Variants in EML1 observed in about 807,000 individuals in gnomAD.
The protein encoded by EML1 is EMAP like 1.
In EML1, 27 loss-of-function variants were observed where a neutral mutation model predicts 110.4. The ratio of observed to expected loss-of-function variants is 0.24; its 90% confidence interval spans 0.18 to 0.34. The LOEUF is 0.34. Ranked by LOEUF, EML1 falls within the 10% of genes least tolerant of loss-of-function variation. The pLI, the probability that EML1 is intolerant of heterozygous loss-of-function variation, is 1.00. For synonymous variants in EML1, 344 were observed against 385.8 expected (o/e 0.89, Z 1.27); for missense variants, 741 against 1,030.9 (o/e 0.72, Z 3.85).
At chr14:99,873,722 A>G (rs1424505554) in intron 3 of EML1, among the ~76,000 whole-genome samples, 3 of 152,212 alleles carry the variant, frequency 2.0e-5, no homozygotes, top group African/African-American at 7.2e-5. Context: ...AATGACTTGG[A>G]TTTTGCCGAA....
chr14:99,917,714 C>T (rs1472397481), intron 15 of EML1, 68 bp from the exon 16 acceptor site: 63 of 1,497,476 alleles, frequency 4.2e-5, no homozygotes, highest in South Asian at 8.0e-5. Flanking sequence ...CACGCACTCA[C>T]GTGTGTGTGT....
At chr14:99,805,162 G>A (rs536949391) in intron 1 of EML1, among the ~76,000 whole-genome samples, 1 of 152,206 alleles carries the variant, frequency 6.6e-6, no homozygotes. Context: ...CCCAGGCCAC[G>A]TGTCTCAGGG....
At chr14:99,865,733 G>A in intron 3 of EML1, 87 bp downstream of exon 3, 1 of 1,470,592 alleles carries the variant, frequency 6.8e-7, no homozygotes, top group African/African-American at 1.4e-5. Context: ...AAATGACATT[G>A]TACAATTTCT....
chr14:99,932,400 G>A (rs2060386940), intron 17 of EML1, among the ~76,000 whole-genome samples: 1 of 152,130 alleles, frequency 6.6e-6, no homozygotes, highest in African/African-American at 2.4e-5. Flanking sequence ...CACTTTGGGA[G>A]GCCGAGGCAA....
intron 1 of EML1, chr14:99,774,030 A>G (rs1051146148): frequency 2.7e-4 from 41 of 151,260 alleles, no homozygotes; most frequent in African/African-American, 7.6e-4. Flanking sequence ...ATCTTCCCCC[A>G]CTCCCTCCTT....
chr14:99,928,209 A>G (rs61986039), intron 17 of EML1, among the ~76,000 whole-genome samples: 575 of 1,252 alleles, frequency 0.46, 171 homozygotes, highest in Middle Eastern at 1. Flanking sequence ...GGTGGTGGTG[A>G]TGGTGATGGT....
chr14:99,779,215 T>C (rs2057513991), intron 1 of EML1, among the ~76,000 whole-genome samples: 1 of 152,192 alleles, frequency 6.6e-6, no homozygotes. Flanking sequence ...CTATATTCTG[T>C]GTAGCTTTGT....
chr14:99,878,056 T>A (rs1448205104), intron 3 of EML1, among the ~76,000 whole-genome samples: 1 of 152,042 alleles, frequency 6.6e-6, no homozygotes, highest in Non-Finnish European at 1.5e-5. Flanking sequence ...CTTTGCAATT[T>A]TTTTTTTGTT....
At chr14:99,856,563 C>T (rs1008498084) in intron 2 of EML1, among the ~76,000 whole-genome samples, 1 of 152,192 alleles carries the variant, frequency 6.6e-6, no homozygotes, top group Non-Finnish European at 1.5e-5. Context: ...TTGTCTACTG[C>T]ACCTTCTCCT....
At chr14:99,806,607 C>T (rs1317746134) in intron 1 of EML1, among the ~76,000 whole-genome samples, 1 of 152,098 alleles carries the variant, frequency 6.6e-6, no homozygotes, top group Admixed American at 6.5e-5. Flanking sequence ...TGAGCCACTG[C>T]GCCTGGCCAG....
chr14:99,828,870 G>A (rs1408909788), intron 1 of EML1, among the ~76,000 whole-genome samples: 3 of 152,164 alleles, frequency 2.0e-5, no homozygotes, highest in Admixed American at 6.5e-5. Context: ...TAGTGGAAGC[G>A]GGTCATCATA....
intron 1 of EML1, among the ~76,000 whole-genome samples, chr14:99,759,846 G>T (rs926226884): frequency 2.6e-5 from 4 of 152,162 alleles, no homozygotes; most frequent in Non-Finnish European, 5.9e-5. Flanking sequence ...TGGCATGGTG[G>T]CTCACGCCTG....
intron 1 of EML1, among the ~76,000 whole-genome samples, chr14:99,796,989 A>G (rs187857684): frequency 4.6e-5 from 7 of 152,116 alleles, no homozygotes; most frequent in Non-Finnish European, 8.8e-5. Context: ...ATGTGTTTTT[A>G]AAGTGTACCA....
At chr14:99,836,521 C>T (rs2058543509) in intron 1 of EML1, among the ~76,000 whole-genome samples, 1 of 152,238 alleles carries the variant, frequency 6.6e-6, no homozygotes, top group African/African-American at 2.4e-5. Context: ...TGACTTTTTG[C>T]ACTAGCTAGG....
At chr14:99,753,189 ACCCCCCGC>A (rs1298619759) in intron 1 of EML1, among the ~76,000 whole-genome samples, 1 of 18,754 alleles carries the variant, frequency 5.3e-5, no homozygotes, top group African/African-American at 2.0e-4. Flanking sequence ...CCCTACCCGC[ACCCCCCGC>A]CCCCCCGCCG....
chr14:99,830,227 C>T (rs1035634965), intron 1 of EML1, among the ~76,000 whole-genome samples: 4 of 152,050 alleles, frequency 2.6e-5, no homozygotes, highest in African/African-American at 4.8e-5. Flanking sequence ...CTTTAATTTG[C>T]GTTTCTGTAA....
intron 1 of EML1, chr14:99,850,459 A>G (rs2139829191): frequency 1.3e-6 from 1 of 759,012 alleles, no homozygotes; most frequent in South Asian, 1.6e-5. Context: ...AGTTAACATA[A>G]TTGGAACAGA....
At chr14:99,756,740 T>A (rs943581790) in intron 1 of EML1, among the ~76,000 whole-genome samples, 1 of 152,158 alleles carries the variant, frequency 6.6e-6, no homozygotes, top group Non-Finnish European at 1.5e-5. Flanking sequence ...ATCTGAATCT[T>A]GGGGCTCTGG....
At chr14:99,873,993 G>A (rs1253924158) in intron 3 of EML1, among the ~76,000 whole-genome samples, 1 of 152,170 alleles carries the variant, frequency 6.6e-6, no homozygotes, top group Non-Finnish European at 1.5e-5. Context: ...AAAATCTCTG[G>A]TCACACATAA....
Sources: allele counts gnomAD v4.1 joint callset (sites outside exome capture counted in the v4.1 genomes callset), GRCh38; gene constraint gnomAD v4.1.1; transcripts MANE v1.5; gene names NCBI Gene and HGNC (gene_info 2026-07-23, HGNC 2026-07-21).